AFG2A: variants seen among roughly 807,000 people sequenced by gnomAD.
AFG2A encodes the protein AAA ATPase AFG2A.
chr4:123,101,333 A>C, the AFG2A span, among the ~76,000 whole-genome samples: 17 of 152,022 alleles, frequency 1.1e-4, no homozygotes, highest in South Asian at 1.7e-3. Context: ...TAAGAATACT[A>C]TCTGGGTAAA....
At chr4:122,981,316 G>C in the AFG2A span, among the ~76,000 whole-genome samples, 1 of 151,558 alleles carries the variant, frequency 6.6e-6, no homozygotes, top group Admixed American at 6.6e-5. Flanking sequence ...TACCTTTGCA[G>C]ATCAATTGAC....
the AFG2A span, among the ~76,000 whole-genome samples, chr4:123,142,849 A>C: frequency 6.6e-6 from 1 of 152,138 alleles, no homozygotes; most frequent in Non-Finnish European, 1.5e-5. Flanking sequence ...GGATCAGAAG[A>C]GATAATTTAT....
chr4:122,952,726 G>A, the AFG2A span, among the ~76,000 whole-genome samples: 3,260 of 152,236 alleles, frequency 0.021, 59 homozygotes, highest in Non-Finnish European at 0.035. Context: ...GACCTCCATG[G>A]CTATATAAAT....
chr4:122,962,444 AT>A, the AFG2A span, among the ~76,000 whole-genome samples: 1 of 152,222 alleles, frequency 6.6e-6, no homozygotes, highest in East Asian at 1.9e-4. Flanking sequence ...TATGGATATT[AT>A]ATAGAGATGG....
chr4:123,113,018 A>G, the AFG2A span, among the ~76,000 whole-genome samples: 1 of 152,106 alleles, frequency 6.6e-6, no homozygotes, highest in Non-Finnish European at 1.5e-5. Context: ...TCATTCATAT[A>G]TTTATATTTC....
the AFG2A span, among the ~76,000 whole-genome samples, chr4:123,007,198 A>G: frequency 6.6e-6 from 1 of 152,044 alleles, no homozygotes; most frequent in African/African-American, 2.4e-5. Context: ...AGGTGAGACT[A>G]AGGCAGTGTT....
At chr4:123,007,852 A>G in the AFG2A span, among the ~76,000 whole-genome samples, 1 of 151,782 alleles carries the variant, frequency 6.6e-6, no homozygotes, top group Non-Finnish European at 1.5e-5. Flanking sequence ...AACTTTTTCC[A>G]GTCAATAAGT....
chr4:122,974,487 T>C, the AFG2A span, among the ~76,000 whole-genome samples: 1 of 152,208 alleles, frequency 6.6e-6, no homozygotes, highest in African/African-American at 2.4e-5. Flanking sequence ...TGGCACTGCA[T>C]AGATACTCCT....
chr4:122,976,260 T>C, the AFG2A span, among the ~76,000 whole-genome samples: 1 of 152,198 alleles, frequency 6.6e-6, no homozygotes, highest in Non-Finnish European at 1.5e-5. Flanking sequence ...ACAAAGAGCA[T>C]ATAGTGACTT....
the AFG2A span, among the ~76,000 whole-genome samples, chr4:122,990,192 A>G: frequency 6.6e-6 from 1 of 152,108 alleles, no homozygotes; most frequent in Admixed American, 6.5e-5. Flanking sequence ...TTCTCCACCC[A>G]GGTACTCTAA....
the AFG2A span, among the ~76,000 whole-genome samples, chr4:123,103,802 C>T: frequency 5.5e-3 from 838 of 152,200 alleles, 11 homozygotes; most frequent in African/African-American, 0.019. Context: ...CAGTGAAATA[C>T]TACTCAGTCA....
At chr4:123,110,376 C>T in the AFG2A span, among the ~76,000 whole-genome samples, 1 of 152,060 alleles carries the variant, frequency 6.6e-6, no homozygotes, top group African/African-American at 2.4e-5. Context: ...TGACCTAAAC[C>T]TGTATTCTGG....
chr4:123,115,439 G>T, the AFG2A span, among the ~76,000 whole-genome samples: 1 of 152,040 alleles, frequency 6.6e-6, no homozygotes, highest in Non-Finnish European at 1.5e-5. Context: ...TCTGGGAAGC[G>T]GGCGCCACTC....
the AFG2A span, among the ~76,000 whole-genome samples, chr4:123,311,926 C>T: frequency 6.6e-6 from 1 of 152,160 alleles, no homozygotes; most frequent in Non-Finnish European, 1.5e-5. Flanking sequence ...GATGTGCCAG[C>T]GGGGCAAACC....
the AFG2A span, among the ~76,000 whole-genome samples, chr4:123,075,076 T>C: frequency 3.3e-5 from 5 of 152,180 alleles, no homozygotes; most frequent in African/African-American, 9.6e-5. Context: ...CCCAAGTAGC[T>C]GGGATTACAG....
At chr4:123,032,664 T>C in the AFG2A span, among the ~76,000 whole-genome samples, 1 of 152,218 alleles carries the variant, frequency 6.6e-6, no homozygotes, top group Non-Finnish European at 1.5e-5. Flanking sequence ...TCCACCCGCC[T>C]TGGCCTCCCA....
the AFG2A span, among the ~76,000 whole-genome samples, chr4:122,974,263 T>TG: frequency 1.3e-3 from 55 of 43,708 alleles, 1 homozygote; most frequent in Middle Eastern, 9.8e-3. Flanking sequence ...GTTTGCATGA[T>TG]ATAAAAAAAA....
the AFG2A span, among the ~76,000 whole-genome samples, chr4:123,075,998 A>G: frequency 6.6e-6 from 1 of 151,504 alleles, no homozygotes; most frequent in African/African-American, 2.4e-5. Flanking sequence ...CAAAAAAAAA[A>G]GAAAGCTCCC....
At chr4:123,135,298 A>G in the AFG2A span, among the ~76,000 whole-genome samples, 5 of 152,222 alleles carry the variant, frequency 3.3e-5, no homozygotes, top group African/African-American at 9.6e-5. Context: ...TGCAGCTAAC[A>G]GCATACTCAA....
Sources: gnomAD v4.1 joint callset for allele counts (sites outside exome capture counted in the v4.1 genomes callset) on GRCh38, gnomAD v4.1.1 for gene constraint, MANE v1.5 for transcripts, NCBI Gene and HGNC (gene_info 2026-07-23, HGNC 2026-07-21) for gene names.